Variants in APOO observed in about 807,000 individuals in gnomAD.
The protein encoded by APOO is MICOS complex subunit MIC26.
A neutral mutation model predicts 23.1 loss-of-function variants in APOO; 11 were observed. The ratio of observed to expected loss-of-function variants is 0.48; its 90% confidence interval spans 0.30 to 0.79. APOO has a LOEUF of 0.79. Ranked by LOEUF, APOO falls within the 30% of genes least tolerant of loss-of-function variation. APOO has a pLI of 0.07. For synonymous variants in APOO, 59 were observed against 54.8 expected, an observed-to-expected ratio of 1.08 and a Z score of -0.34; for missense variants, 160 against 142.7, an observed-to-expected ratio of 1.12 and a Z score of -0.62.
chrX:23,900,674 CAA>C (rs967658475), intron 1 of APOO, among the ~76,000 whole-genome samples: 4 of 24,812 alleles, frequency 1.6e-4, no homozygotes, highest in Non-Finnish European at 3.2e-4. Flanking sequence ...GACTCCGGCT[CAA>C]AAAAAAAAAA....
chrX:23,897,293 A>G (rs1217649345), intron 1 of APOO, among the ~76,000 whole-genome samples: 1 of 112,517 alleles, frequency 8.9e-6, no homozygotes, highest in African/African-American at 3.2e-5. Flanking sequence ...AAATTCATGT[A>G]GAAAAATAAT....
At chrX:23,886,533 C>G (rs1926373097) in intron 1 of APOO, among the ~76,000 whole-genome samples, 1 of 111,928 alleles carries the variant, frequency 8.9e-6, no homozygotes, top group South Asian at 3.7e-4. Context: ...ATGCCAAGCT[C>G]ATTCCTAAGG....
chrX:23,869,177 G>A (rs1386081791), intron 4 of APOO, among the ~76,000 whole-genome samples: 1 of 110,609 alleles, frequency 9.0e-6, no homozygotes, highest in Non-Finnish European at 1.9e-5. Flanking sequence ...CCAAAGTGCT[G>A]GGATTACAGG....
chrX:23,875,766 T>C (rs1925819279), intron 3 of APOO, among the ~76,000 whole-genome samples: 1 of 110,838 alleles, frequency 9.0e-6, no homozygotes, highest in Non-Finnish European at 1.9e-5. Flanking sequence ...CAGAACAAGC[T>C]ATCCTCATTC....
At chrX:23,868,807 T>C in intron 4 of APOO, 119 bp from the exon 5 acceptor site, 1 of 408,328 alleles carries the variant, frequency 2.4e-6, no homozygotes, top group Non-Finnish European at 4.1e-6. Flanking sequence ...AACCACATAT[T>C]CTCTGCATCC....
At chrX:23,901,188 T>C (rs183962949) in intron 1 of APOO, among the ~76,000 whole-genome samples, 79 of 112,042 alleles carry the variant, frequency 7.1e-4, no homozygotes, top group African/African-American at 2.4e-3. Context: ...GTCATGGACA[T>C]GTTCACTCAG....
Position 23,873,246 on chromosome X carries a change from G to A in APOO, c.292+1157C>T, listed in dbSNP as rs72620460. Among the ~76,000 whole-genome samples the A allele has an allele frequency of 6.3e-4, 70 of 110,796 alleles. 1 individual carries two copies. The East Asian group carries it at 0.015, about 24-fold the overall frequency. On this transcript the variant is annotated intron_variant, in intron 4 of 8. Coordinates refer to ENST00000379226, the MANE Select transcript of APOO (RefSeq NM_024122.5). ...ACTTAGAATAGTACCTGACATATAA[G>A]TCTTAAATAAGTGTTTATGAAATTA...
At chrX:23,865,373 G>A (rs1925288061) in intron 5 of APOO, among the ~76,000 whole-genome samples, 2 of 110,960 alleles carry the variant, frequency 1.8e-5, no homozygotes, top group South Asian at 3.8e-4. Context: ...GGAGGCTGAG[G>A]TGGGAGGATC....
chrX:23,861,447 C>T (rs1925023392), intron 5 of APOO, among the ~76,000 whole-genome samples: 1 of 108,978 alleles, frequency 9.2e-6, no homozygotes, highest in South Asian at 4.0e-4. Flanking sequence ...TCCTGTACAG[C>T]CTGCAGAACT....
chrX:23,880,963 G>A lies in APOO; in HGVS notation c.10-11C>T. 1.7e-6 allele frequency: 2 copies of A among 1,144,601 alleles called. No homozygotes were observed. Among genetic ancestry groups the A allele is most frequent in the Non-Finnish European group, 2.3e-6 (2 of 854,209 alleles). 94.3% of individuals were successfully genotyped at this position (1,144,601 alleles called of 1,213,427 possible). A position where few individuals can be genotyped will look rare whatever the true frequency, so the allele number is the denominator to read the frequency against. ...GGACCTCTGAATTACCTGAAATGCA[G>A]AAGCAATCTTAAACCTCTCTATGTT... On this transcript the variant is annotated splice_polypyrimidine_tract_variant and intron_variant, in intron 1 of 8. Transcript: ENST00000379226.
intron 4 of APOO, among the ~76,000 whole-genome samples, chrX:23,871,362 C>CA (rs750866169): frequency 0.017 from 949 of 56,222 alleles, 11 homozygotes; most frequent in Non-Finnish European, 0.028. Context: ...GACTCCGTCT[C>CA]AAAAAAAAAA....
At chrX:23,865,931 C>T (rs145837453) in intron 5 of APOO, among the ~76,000 whole-genome samples, 59 of 111,508 alleles carry the variant, frequency 5.3e-4, no homozygotes, top group African/African-American at 1.9e-3. Context: ...AGAGACAGAA[C>T]GAACAAACAA....
chrX:23,865,401 C>T (rs1925289153), intron 5 of APOO, among the ~76,000 whole-genome samples: 1 of 110,131 alleles, frequency 9.1e-6, no homozygotes, highest in South Asian at 3.9e-4. Flanking sequence ...GTCAGGAGTT[C>T]GAGACAAGCC....
rs774347080 is a variant in APOO at position 23,852,899 on chromosome X, C to G, written c.561+3403G>C. Among the ~76,000 whole-genome samples the G allele has an allele frequency of 3.6e-5, 4 of 110,352 alleles. No individual in the cohort carries two copies. The South Asian group carries it at 1.5e-3, about 42-fold the overall frequency. ...TTTGATAGTCTATGAAGAGAATATA[C>G]TCAGCTCCAAGGCCCCAGAAAGATT... On this transcript the variant is annotated intron_variant, in intron 7 of 8. Coordinates refer to ENST00000379226, the MANE Select transcript of APOO (RefSeq NM_024122.5).
intron 1 of APOO, among the ~76,000 whole-genome samples, chrX:23,887,767 C>T (rs1274344344): frequency 8.9e-6 from 1 of 111,891 alleles, no homozygotes; most frequent in Non-Finnish European, 1.9e-5. Context: ...GTCAAGCAAG[C>T]TCTGTTAAGA....
chrX:23,891,211 C>T, intron 1 of APOO, among the ~76,000 whole-genome samples: 1 of 110,859 alleles, frequency 9.0e-6, no homozygotes, highest in South Asian at 3.8e-4. Context: ...AGGGCAATTT[C>T]ATTAAAATCT....
At chrX:23,834,502 G>A (rs1404908214) in intron 8 of APOO, among the ~76,000 whole-genome samples, 2 of 109,829 alleles carry the variant, frequency 1.8e-5, no homozygotes, top group African/African-American at 6.6e-5. Flanking sequence ...CAACTAGATG[G>A]ATGAATAAAT....
chrX:23,876,631 T>A (rs1487335802), intron 3 of APOO, among the ~76,000 whole-genome samples: 2 of 109,859 alleles, frequency 1.8e-5, no homozygotes, highest in Non-Finnish European at 3.8e-5. Context: ...AAACCCCGTC[T>A]CTACTAAAAA....
At chrX:23,905,429 A>G (rs1029184221) in intron 1 of APOO, among the ~76,000 whole-genome samples, 1 of 109,925 alleles carries the variant, frequency 9.1e-6, no homozygotes, top group Non-Finnish European at 1.9e-5. Context: ...AATAATAATA[A>G]TCTCAGCTCA....
Sources: allele counts gnomAD v4.1 joint callset (sites outside exome capture counted in the v4.1 genomes callset), GRCh38; gene constraint gnomAD v4.1.1; transcripts MANE v1.5; gene names NCBI Gene and HGNC (gene_info 2026-07-23, HGNC 2026-07-21).